The following TRPM3 variants were observed in gnomAD, a reference collection of about 807,000 sequenced individuals.
TRPM3 encodes long transient receptor potential channel 3.
Under a neutral mutation model 181.2 loss-of-function variants are expected in TRPM3, and 77 were observed. That is an observed-to-expected ratio of 0.42 (90% CI 0.35 to 0.51). The LOEUF is 0.51. Ranked by LOEUF, TRPM3 falls within the 20% of genes least tolerant of loss-of-function variation. The probability of loss-of-function intolerance (pLI) is 0.01; values close to 1 mark genes in which losing one functional copy is unlikely to be tolerated. For missense variants in TRPM3, 1,759 were observed against 2,196.7 expected (o/e 0.80, Z 3.98); for synonymous variants, 745 against 796.4 (o/e 0.94, Z 1.09).
intron 1 of TRPM3, among the ~76,000 whole-genome samples, chr9:71,279,271 C>A (rs1195449066): frequency 6.6e-6 from 1 of 151,900 alleles, no homozygotes; most frequent in Non-Finnish European, 1.5e-5. Context: ...CAGTTGCAGC[C>A]AGATCCACTG....
rs113496859 is a variant in TRPM3 at position 70,804,622 on chromosome 9, A to G, written c.974-20343T>C. Among the ~76,000 whole-genome samples the G allele has an allele frequency of 5.9e-5, 9 of 151,688 alleles. No homozygotes were observed. The East Asian group carries it at 1.6e-3, about 26-fold the overall frequency. ...CTGCTCCTTCTTCCTCTTCTTTGCT[A>G]TTTCCTCCTTACCTACCTGACGTCT... On this transcript the variant is annotated intron_variant, in intron 6 of 25. Coordinates refer to ENST00000677713, the MANE Select transcript of TRPM3 (RefSeq NM_001366145.2).
intron 9 of TRPM3, among the ~76,000 whole-genome samples, chr9:70,676,885 T>G (rs1181661288): frequency 6.6e-6 from 1 of 151,928 alleles, no homozygotes; most frequent in Non-Finnish European, 1.5e-5. Context: ...AGGCAGGTCA[T>G]AGAGACCAGA....
At chr9:70,883,974 A>T (rs2096043640) in intron 1 of TRPM3, among the ~76,000 whole-genome samples, 1 of 152,048 alleles carries the variant, frequency 6.6e-6, no homozygotes, top group South Asian at 2.1e-4. Context: ...AGATCCTAGG[A>T]GTTATTTTGC....
At chr9:70,924,270 C>T (rs1214733083) in intron 1 of TRPM3, among the ~76,000 whole-genome samples, 1 of 152,098 alleles carries the variant, frequency 6.6e-6, no homozygotes, top group Non-Finnish European at 1.5e-5. Context: ...TTATTTCCTT[C>T]CTTGATTCCT....
chr9:70,802,617 T>G (rs1032157854), intron 6 of TRPM3, among the ~76,000 whole-genome samples: 1 of 152,224 alleles, frequency 6.6e-6, no homozygotes, highest in Admixed American at 6.5e-5. Flanking sequence ...AGCCAATTTT[T>G]GATGCCTATT....
In TRPM3 at chr9:70,553,183, G is replaced by A. The variant is rs753782883; in HGVS notation, c.3351C>T (p.Val1117=). The A allele has an allele frequency of 4.3e-6, 7 of 1,614,112 alleles. No homozygotes were observed. The South Asian group carries it at 5.5e-5, about 13-fold the overall frequency. Residue 1117 remains valine (V), a synonymous_variant, in exon 23 of 26, where the codon GTC becomes GTT. Coordinates refer to ENST00000677713, the MANE Select transcript of TRPM3 (RefSeq NM_001366145.2). ...CYLLVANILL[V]NLLIAVFNNT... ...ACTTAAAGACAGCAATGAGGAGGTT[G>A]ACCAGCAAGATGTTTGCCACTAAGA...
chr9:71,404,297 G>C (rs2093395885), intron 1 of TRPM3, among the ~76,000 whole-genome samples: 1 of 152,154 alleles, frequency 6.6e-6, no homozygotes, highest in South Asian at 2.1e-4. Context: ...ATGAATAATT[G>C]CTTGTTACAT....
chr9:71,198,089 T>G (rs938706807), intron 1 of TRPM3, among the ~76,000 whole-genome samples: 1 of 148,158 alleles, frequency 6.7e-6, no homozygotes, highest in African/African-American at 2.5e-5. Flanking sequence ...TTTCTACATA[T>G]GGCTAGCCAG....
intron 8 of TRPM3, among the ~76,000 whole-genome samples, chr9:70,696,246 T>C (rs1191661661): frequency 6.6e-6 from 1 of 152,194 alleles, no homozygotes; most frequent in Non-Finnish European, 1.5e-5. Flanking sequence ...GGGGAATATA[T>C]CCAATACTGA....
chr9:70,628,247 C>T (rs1007646570), intron 12 of TRPM3, among the ~76,000 whole-genome samples: 2 of 152,266 alleles, frequency 1.3e-5, no homozygotes, highest in South Asian at 2.1e-4. Flanking sequence ...GATGACCGCC[C>T]GAGGATGCCC....
intron 22 of TRPM3, among the ~76,000 whole-genome samples, chr9:70,587,867 A>G (rs182883220): frequency 6.2e-4 from 94 of 152,328 alleles, no homozygotes; most frequent in African/African-American, 2.1e-3. Flanking sequence ...GGAACCAACC[A>G]CACAACAACA....
chr9:70,765,871 C>A (rs1321313895), intron 7 of TRPM3, among the ~76,000 whole-genome samples: 1 of 151,990 alleles, frequency 6.6e-6, no homozygotes, highest in African/African-American at 2.4e-5. Context: ...TAGAGATGAG[C>A]CTATTTTAGA....
intron 1 of TRPM3, among the ~76,000 whole-genome samples, chr9:71,222,308 C>T (rs2080288752): frequency 6.6e-6 from 1 of 152,186 alleles, no homozygotes; most frequent in South Asian, 2.1e-4. Context: ...CTGACAAACA[C>T]CAAACGTTCT....
chr9:71,131,357 T>C (rs2074362846), intron 1 of TRPM3, among the ~76,000 whole-genome samples: 2 of 152,160 alleles, frequency 1.3e-5, no homozygotes, highest in Non-Finnish European at 2.9e-5. Context: ...CAGCTCTTTG[T>C]TTGAATTCTT....
chr9:71,268,036 T>C (rs1394549043), intron 1 of TRPM3, among the ~76,000 whole-genome samples: 1 of 152,198 alleles, frequency 6.6e-6, no homozygotes, highest in African/African-American at 2.4e-5. Flanking sequence ...ACAAATATGC[T>C]GGGAAACCTT....
At chr9:71,392,006 GTC>G (rs1178834637) in intron 1 of TRPM3, among the ~76,000 whole-genome samples, 1 of 152,040 alleles carries the variant, frequency 6.6e-6, no homozygotes, top group Non-Finnish European at 1.5e-5. Context: ...GGCTTGGACA[GTC>G]TTTCTTAAAG....
intron 1 of TRPM3, among the ~76,000 whole-genome samples, chr9:71,129,302 T>G (rs1041493594): frequency 1.3e-5 from 2 of 152,192 alleles, no homozygotes; most frequent in Admixed American, 1.3e-4. Flanking sequence ...ATAAAATAAA[T>G]GCAAACTACA....
intron 1 of TRPM3, among the ~76,000 whole-genome samples, chr9:71,096,445 G>C (rs1168014344): frequency 1.3e-5 from 2 of 151,056 alleles, no homozygotes; most frequent in African/African-American, 4.9e-5. Context: ...ATACTATGTT[G>C]CCTCTGGGTG....
chr9:70,992,375 T>C (rs1425367246), intron 1 of TRPM3, among the ~76,000 whole-genome samples: 2 of 152,242 alleles, frequency 1.3e-5, no homozygotes, highest in Non-Finnish European at 2.9e-5. Flanking sequence ...ATATTAGTGA[T>C]GAATTCTCCT....
Sources: allele counts gnomAD v4.1 joint callset (sites outside exome capture counted in the v4.1 genomes callset), GRCh38; gene constraint gnomAD v4.1.1; transcripts MANE v1.5; gene names NCBI Gene and HGNC (gene_info 2026-07-23, HGNC 2026-07-21).